CHST8: variants seen among roughly 807,000 people sequenced by gnomAD.
The protein encoded by CHST8 is carbohydrate sulfotransferase 8, also known as GALNAC-4-ST1.
In CHST8, 10 loss-of-function variants were observed where a neutral mutation model predicts 15.0. That is an observed-to-expected ratio of 0.67 (90% CI 0.41 to 1.13). CHST8 has a LOEUF of 1.13. CHST8 is among the 50% of genes most tolerant of loss of function. The pLI is 0.00. For synonymous variants in CHST8, 259 were observed against 256.6 expected, an observed-to-expected ratio of 1.01 and a Z score of -0.09; for missense variants, 634 against 608.2, an observed-to-expected ratio of 1.04 and a Z score of -0.45.
intron 3 of CHST8, among the ~76,000 whole-genome samples, chr19:33,742,432 C>T (rs953138995): frequency 6.6e-5 from 10 of 152,072 alleles, no homozygotes; most frequent in East Asian, 1.9e-4. Flanking sequence ...TGTCACATAG[C>T]GAGAGAGGGA....
chr19:33,750,615 G>A (rs1219351141), intron 3 of CHST8, among the ~76,000 whole-genome samples: 1 of 152,168 alleles, frequency 6.6e-6, no homozygotes, highest in Non-Finnish European at 1.5e-5. Context: ...GGGTCCAGAA[G>A]TATTGATTCT....
intron 3 of CHST8, among the ~76,000 whole-genome samples, chr19:33,694,022 ATTGATTGGT>A (rs1439615119): frequency 7.0e-6 from 1 of 143,260 alleles, no homozygotes; most frequent in Admixed American, 7.1e-5. Flanking sequence ...AGTGGTGTGG[ATTGATTGGT>A]TTATTCATAG....
intron 3 of CHST8, among the ~76,000 whole-genome samples, chr19:33,740,721 ATTAG>A (rs914152299): frequency 6.6e-6 from 1 of 152,058 alleles, no homozygotes; most frequent in African/African-American, 2.4e-5. Flanking sequence ...CTCTCTAGAG[ATTAG>A]TTATTTATCT....
intron 1 of CHST8, among the ~76,000 whole-genome samples, chr19:33,641,932 T>C (rs1292172026): frequency 1.3e-5 from 2 of 152,228 alleles, no homozygotes; most frequent in Admixed American, 6.5e-5. Context: ...ACCAAAGTCC[T>C]ACGCTGACCA....
intron 3 of CHST8, among the ~76,000 whole-genome samples, chr19:33,698,387 A>G (rs1360531080): frequency 6.9e-6 from 1 of 144,884 alleles, no homozygotes; most frequent in Non-Finnish European, 1.5e-5. Context: ...CATCTCAAAA[A>G]GAAAAAAAAA....
At chr19:33,759,238 C>T (rs1484018243) in intron 3 of CHST8, among the ~76,000 whole-genome samples, 1 of 152,238 alleles carries the variant, frequency 6.6e-6, no homozygotes, top group Non-Finnish European at 1.5e-5. Context: ...ACCCCAGCCT[C>T]GGGCTCCAGC....
In CHST8 at chr19:33,723,860, C is replaced by T. The variant is rs147601009; in HGVS notation, c.130+34469C>T. The stretch of plus-strand genomic sequence containing the variant: ...CCCCATTGTGTTACCTGATCATCCT[C>T]GAGCCAATTCCTTTGGCAGGAGGAT... On this transcript the variant is annotated intron_variant, in intron 3 of 4. Transcript: ENST00000650847. Among the ~76,000 whole-genome samples the T allele has an allele frequency of 2.5e-3, 385 of 152,312 alleles. 2 individuals carry two copies. The highest frequency in any genetic ancestry group is 7.4e-3 in the African/African-American group (306 of 41,568).
intron 1 of CHST8, among the ~76,000 whole-genome samples, chr19:33,631,152 C>A (rs1040131926): frequency 2.6e-5 from 4 of 152,234 alleles, no homozygotes; most frequent in African/African-American, 9.6e-5. Context: ...CAGCAATCTG[C>A]CCACACAGGT....
intron 3 of CHST8, among the ~76,000 whole-genome samples, chr19:33,746,702 G>A (rs8100701): frequency 2.6e-5 from 4 of 152,222 alleles, no homozygotes; most frequent in African/African-American, 7.2e-5. Context: ...ACAGCCATGC[G>A]GCCAGGAGTT....
At chr19:33,748,747 G>C (rs1291417155) in intron 3 of CHST8, among the ~76,000 whole-genome samples, 1 of 152,310 alleles carries the variant, frequency 6.6e-6, no homozygotes, top group Middle Eastern at 3.4e-3. Flanking sequence ...CTGCAGGCAG[G>C]TAAATTGCTG....
chr19:33,709,053 A>G (rs905821006), intron 3 of CHST8, among the ~76,000 whole-genome samples: 3 of 152,214 alleles, frequency 2.0e-5, no homozygotes, highest in Admixed American at 2.0e-4. Context: ...ATATAGAAAT[A>G]CAATTGATTT....
chr19:33,720,382 C>T (rs1973764252), intron 3 of CHST8, among the ~76,000 whole-genome samples: 1 of 151,496 alleles, frequency 6.6e-6, no homozygotes, highest in Non-Finnish European at 1.5e-5. Flanking sequence ...CCCACATACA[C>T]CACACATGCA....
chr19:33,641,738 G>A (rs369082696), intron 1 of CHST8, among the ~76,000 whole-genome samples: 1 of 151,780 alleles, frequency 6.6e-6, no homozygotes, highest in African/African-American at 2.4e-5. Context: ...CTGGGATGTC[G>A]GGGGCGGTGT....
chr19:33,722,026 G>C (rs1973805545), intron 3 of CHST8, among the ~76,000 whole-genome samples: 1 of 148,540 alleles, frequency 6.7e-6, no homozygotes, highest in Non-Finnish European at 1.5e-5. Context: ...GATAGGTAGT[G>C]AGTGGGCATA....
intron 4 of CHST8, among the ~76,000 whole-genome samples, chr19:33,771,695 T>A (rs59181704): frequency 0.033 from 5,022 of 152,210 alleles, 263 homozygotes; most frequent in African/African-American, 0.11. Context: ...GCAGGCCACC[T>A]ATTCCCGCCA....
chr19:33,655,840 G>A lies in CHST8; in HGVS notation c.-163-11927G>A, dbSNP rs1023835436. On this transcript the variant is annotated intron_variant, in intron 1 of 4. Coordinates refer to ENST00000650847, the MANE Select transcript of CHST8 (RefSeq NM_001127895.2). ...CATTGGCCTTTTCTAAGAAGCAGCTGTCAAATTTATTTATTCATCCTGCTG... is the reference window on the plus strand; with the variant it reads ...CATTGGCCTTTTCTAAGAAGCAGCTATCAAATTTATTTATTCATCCTGCTG... Among the ~76,000 whole-genome samples, 7 of 152,126 alleles carry A rather than the reference G, an allele frequency of 4.6e-5. No individual in the cohort carries two copies. The East Asian group carries it at 1.2e-3, about 25-fold the overall frequency.
Position 33,772,529 on chromosome 19 carries a change from T to A in CHST8, c.741T>A (p.Arg247=), listed in dbSNP as rs772434461. 8.1e-6 allele frequency: 13 copies of A among 1,614,028 alleles called. No homozygotes were observed. In the Admixed American group the frequency reaches 1.8e-4, roughly 23 times the overall value. Residue 247 remains arginine, a synonymous_variant, in exon 5 of 5, where the codon CGT becomes CGA. Transcript: ENST00000650847. ...TCGACCGCCAGGGTATCTTGCACCG[T>A]CTCAGCACCTACACCAAGATGCTCT... ...DTFDRQGILH[R]LSTYTKMLFV...
rs1429253574 is a variant in CHST8, at chr19:33,772,344, G to C, written c.556G>C (p.Val186Leu). 1.9e-6 allele frequency: 3 copies of C among 1,606,542 alleles called. No homozygotes were observed. The highest frequency in any genetic ancestry group is 2.5e-6 in the Non-Finnish European group (3 of 1,179,190). ...GCCCCGCCACGTGTCCCGTATCTTC[G>C]TGGAGGACCGCCACCGCGTGCTCTA... ...VTPRHVSRIF[V>L]EDRHRVLYCE... Residue 186 changes from valine (V) to leucine (L), a missense_variant, in exon 5 of 5, where the codon GTG becomes CTG. Transcript: ENST00000650847.
At chr19:33,681,418 G>T (rs1972887160) in intron 2 of CHST8, among the ~76,000 whole-genome samples, 1 of 152,202 alleles carries the variant, frequency 6.6e-6, no homozygotes, top group East Asian at 1.9e-4. Flanking sequence ...GGCCACAGGG[G>T]CCCAGTTATC....
Sources: gnomAD v4.1 joint callset for allele counts (sites outside exome capture counted in the v4.1 genomes callset) on GRCh38, gnomAD v4.1.1 for gene constraint, MANE v1.5 for transcripts, NCBI Gene and HGNC (gene_info 2026-07-23, HGNC 2026-07-21) for gene names.